The following PDE4D variants were observed in gnomAD, a reference collection of about 807,000 sequenced individuals.
The protein encoded by PDE4D is phosphodiesterase 4D.
In PDE4D, 24 loss-of-function variants were observed where a neutral mutation model predicts 87.4. That is an observed-to-expected ratio of 0.27 (90% CI 0.20 to 0.39). The LOEUF (loss-of-function observed/expected upper bound fraction) is 0.39. Among genes scored for constraint, PDE4D ranks in the 10% least tolerant of loss-of-function variants. PDE4D has a pLI of 1.00. For missense variants in PDE4D, 714 were observed against 1,041.0 expected (o/e 0.69, Z 4.32); for synonymous variants, 384 against 383.2 (o/e 1.00, Z -0.02).
chr5:60,317,381 C>T (rs1382037872), intron 1 of PDE4D, among the ~76,000 whole-genome samples: 1 of 151,868 alleles, frequency 6.6e-6, no homozygotes, highest in Non-Finnish European at 1.5e-5. Context: ...TCTCTCTTTT[C>T]TTCTTTATTA....
intron 1 of PDE4D, among the ~76,000 whole-genome samples, chr5:60,318,874 C>G (rs1230677811): frequency 6.6e-6 from 1 of 152,158 alleles, no homozygotes; most frequent in African/African-American, 2.4e-5. Flanking sequence ...TGATGGGCTT[C>G]CCTTTGTGGG....
intron 1 of PDE4D, among the ~76,000 whole-genome samples, chr5:59,455,237 A>G (rs1799737708): frequency 6.6e-6 from 1 of 152,170 alleles, no homozygotes; most frequent in East Asian, 1.9e-4. Flanking sequence ...CTGGAGGCCT[A>G]GGAGGAAAAA....
chr5:59,203,075 G>C (rs755666557), intron 2 of PDE4D, among the ~76,000 whole-genome samples: 8 of 152,118 alleles, frequency 5.3e-5, no homozygotes, highest in Non-Finnish European at 8.8e-5. Flanking sequence ...CTGACACAGT[G>C]GCTTACACCT....
chr5:59,264,232 G>A (rs1317374096), intron 1 of PDE4D, among the ~76,000 whole-genome samples: 2 of 151,960 alleles, frequency 1.3e-5, no homozygotes, highest in Non-Finnish European at 2.9e-5. Flanking sequence ...TGAGACCAAC[G>A]CAGCTCTCAG....
chr5:59,669,359 G>C (rs146053397), intron 1 of PDE4D, among the ~76,000 whole-genome samples: 2 of 152,050 alleles, frequency 1.3e-5, no homozygotes, highest in Non-Finnish European at 2.9e-5. Flanking sequence ...TTATCTGTCC[G>C]CCTCGGCCTC....
At chr5:60,431,860 T>G (rs1561250142) in intron 1 of PDE4D, among the ~76,000 whole-genome samples, 1 of 152,176 alleles carries the variant, frequency 6.6e-6, no homozygotes, top group Non-Finnish European at 1.5e-5. Context: ...CACTCGCGGT[T>G]AGGAGCTGGA....
intron 1 of PDE4D, among the ~76,000 whole-genome samples, chr5:60,406,709 G>C (rs1049684656): frequency 1.3e-5 from 2 of 151,962 alleles, no homozygotes; most frequent in East Asian, 3.9e-4. Context: ...AGGCTGCCTG[G>C]TACTCTCAGT....
At chr5:60,271,359 G>A (rs1445474547) in intron 1 of PDE4D, among the ~76,000 whole-genome samples, 1 of 152,016 alleles carries the variant, frequency 6.6e-6, no homozygotes, top group Non-Finnish European at 1.5e-5. Flanking sequence ...TATTTTTGTT[G>A]GTAATAGCTA....
At chr5:59,982,548 T>G (rs1033134980) in intron 3 of PDE4D, among the ~76,000 whole-genome samples, 8 of 152,190 alleles carry the variant, frequency 5.3e-5, no homozygotes, top group African/African-American at 1.9e-4. Flanking sequence ...AAGGAGATCC[T>G]AATTCCTCCT....
chr5:60,077,798 A>G (rs1429170265), intron 2 of PDE4D, among the ~76,000 whole-genome samples: 2 of 152,142 alleles, frequency 1.3e-5, no homozygotes, highest in Admixed American at 1.3e-4. Flanking sequence ...TCAAATGTCC[A>G]TGGTGGTTAA....
intron 5 of PDE4D, chr5:59,174,339 G>A (rs1783484968): frequency 6.6e-6 from 1 of 152,460 alleles, no homozygotes; most frequent in Non-Finnish European, 1.5e-5. Flanking sequence ...AAAAAGGAAT[G>A]AAGACTTAGA....
At chr5:60,108,249 C>T (rs530506374) in intron 2 of PDE4D, among the ~76,000 whole-genome samples, 1 of 151,534 alleles carries the variant, frequency 6.6e-6, no homozygotes, top group African/African-American at 2.4e-5. Context: ...TGAGTGAACT[C>T]CCATTCACAA....
At chr5:59,264,334 G>A (rs1039040048) in intron 1 of PDE4D, among the ~76,000 whole-genome samples, 1 of 152,036 alleles carries the variant, frequency 6.6e-6, no homozygotes, top group African/African-American at 2.4e-5. Flanking sequence ...AATGCAGACT[G>A]TCTAATTCTT....
chr5:59,988,782 T>C, intron 2 of PDE4D: 1 of 858,164 alleles, frequency 1.2e-6, no homozygotes, highest in South Asian at 1.7e-5. Flanking sequence ...CATTACATAA[T>C]GGCTTAATAC....
Position 60,463,472 on chromosome 5 carries a change from A to G in PDE4D, c.-90+24470T>C, listed in dbSNP as rs149837692. On this transcript the variant is annotated intron_variant, in intron 1 of 16. Coordinates refer to the PDE4D transcript ENST00000502484. ...CTCTTAAACATGACCACACATCACAATTATCCTGGGAGCTTCTCTAACATA... is the reference window on the plus strand; with the variant it reads ...CTCTTAAACATGACCACACATCACAGTTATCCTGGGAGCTTCTCTAACATA... 5.9e-5 allele frequency among the ~76,000 whole-genome samples: 9 copies of G among 152,276 alleles called. No individual in the cohort carries two copies. The East Asian group carries it at 1.7e-3, about 29-fold the overall frequency.
At chr5:59,200,326 C>CAT (rs773457645) in intron 2 of PDE4D, among the ~76,000 whole-genome samples, 40 of 121,036 alleles carry the variant, frequency 3.3e-4, no homozygotes, top group South Asian at 7.7e-4. Context: ...CGTATACATA[C>CAT]ACGTGTATGT....
chr5:59,960,571 T>C (rs1759354780), intron 3 of PDE4D, among the ~76,000 whole-genome samples: 2 of 152,112 alleles, frequency 1.3e-5, no homozygotes, highest in Non-Finnish European at 2.9e-5. Flanking sequence ...GATGCAGCCA[T>C]AAGCCATTGA....
At chr5:59,826,659 G>C (rs993167558) in intron 1 of PDE4D, among the ~76,000 whole-genome samples, 1 of 152,040 alleles carries the variant, frequency 6.6e-6, no homozygotes, top group Non-Finnish European at 1.5e-5. Context: ...AGTGTTTTGG[G>C]AATCATAAAG....
intron 1 of PDE4D, among the ~76,000 whole-genome samples, chr5:59,237,371 T>A (rs924585422): frequency 1.3e-5 from 2 of 152,228 alleles, no homozygotes; most frequent in African/African-American, 4.8e-5. Flanking sequence ...CATTTGCCAA[T>A]TTCTTTACAT....
Sources: allele counts gnomAD v4.1 joint callset (sites outside exome capture counted in the v4.1 genomes callset), GRCh38; gene constraint gnomAD v4.1.1; transcripts MANE v1.5; gene names NCBI Gene and HGNC (gene_info 2026-07-23, HGNC 2026-07-21).